Variants in CWC27 observed in about 807,000 individuals in gnomAD.
CWC27 encodes spliceosome-associated protein CWC27 homolog.
In CWC27, 47 loss-of-function variants were observed where a neutral mutation model predicts 63.6. The observed-to-expected ratio is 0.74, with a 90% confidence interval of 0.58 to 0.94. The LOEUF (loss-of-function observed/expected upper bound fraction) is 0.94. Among genes scored for constraint, CWC27 ranks in the 40% least tolerant of loss-of-function variants. The pLI is 0.00. For missense variants in CWC27, 495 were observed against 554.3 expected (o/e 0.89, Z 1.07); for synonymous variants, 175 against 179.8 (o/e 0.97, Z 0.22).
chr5:65,000,867 C>G (rs1295029477), intron 13 of CWC27, among the ~76,000 whole-genome samples: 1 of 151,864 alleles, frequency 6.6e-6, no homozygotes, highest in East Asian at 1.9e-4. Context: ...TGAAGAATGT[C>G]ATTGGTATTT....
chr5:64,786,593 G>A lies in CWC27; in HGVS notation c.565G>A (p.Glu189Lys). The change falls in exon 6 of 14, where the codon GAG becomes AAG. Residue 189 changes from glutamate (E) to lysine (K), a missense_variant. By Grantham distance (56) the Glu-to-Lys change is moderately conservative. Around this residue, in one of 3 missense-constraint regions of CWC27, gnomAD observed 463 missense variants for 498.1 expected, o/e 0.93. Coordinates refer to ENST00000381070, the MANE Select transcript of CWC27 (RefSeq NM_005869.4). ...AAGGCTGAAAAAAGAGAAACCAGAG[G>A]AGGAAGTAAAGAAATTGAAACCCAA... ...IKRLKKEKPE[E>K]EVKKLKPKGT... 6.3e-7 allele frequency: 1 copy of A among 1,588,410 alleles called. No homozygotes were observed. Among genetic ancestry groups the A allele is most frequent in the Non-Finnish European group, 8.6e-7 (1 of 1,169,150 alleles).
chr5:65,000,832 T>G (rs1749719056), intron 13 of CWC27, among the ~76,000 whole-genome samples: 1 of 152,086 alleles, frequency 6.6e-6, no homozygotes, highest in South Asian at 2.1e-4. Context: ...TCCATACAAA[T>G]TGTAGGATTT....
chr5:64,784,658 G>A (rs1743820934), intron 4 of CWC27, among the ~76,000 whole-genome samples: 2 of 152,174 alleles, frequency 1.3e-5, no homozygotes, highest in Non-Finnish European at 2.9e-5. Context: ...GATTTTTGTG[G>A]TGATGAAAGG....
intron 10 of CWC27, among the ~76,000 whole-genome samples, chr5:64,849,127 T>C (rs1017122859): frequency 1.3e-5 from 2 of 151,856 alleles, no homozygotes; most frequent in African/African-American, 4.8e-5. Flanking sequence ...CTAATAAAGT[T>C]GCAGGATACA....
intron 11 of CWC27, among the ~76,000 whole-genome samples, chr5:64,928,441 CTA>C (rs1165206981): frequency 2.0e-5 from 3 of 152,090 alleles, no homozygotes; most frequent in African/African-American, 7.2e-5. Flanking sequence ...GTGTTGCAGG[CTA>C]AAGACTTCAA....
chr5:64,912,105 A>G lies in CWC27; in HGVS notation c.1042+26559A>G, dbSNP rs570529636. Among the ~76,000 whole-genome samples the G allele has an allele frequency of 4.0e-5, 6 of 151,608 alleles. No homozygotes were observed. The South Asian group carries it at 1.3e-3, about 32-fold the overall frequency. ...AAAAAAAAAAAAGAAAGAAAGAAAG[A>G]AAGTAGACAGACCTGTATAGGTATA... On this transcript the variant is annotated intron_variant, in intron 11 of 13. Transcript: ENST00000381070.
intron 10 of CWC27, among the ~76,000 whole-genome samples, chr5:64,824,158 A>G (rs1028282004): frequency 5.3e-5 from 8 of 152,170 alleles, no homozygotes; most frequent in Non-Finnish European, 1.0e-4. Flanking sequence ...GCTTAGGAAA[A>G]CATCTTGCTT....
At chr5:64,993,169 TAG>T (rs910270054) in intron 13 of CWC27, among the ~76,000 whole-genome samples, 7 of 152,124 alleles carry the variant, frequency 4.6e-5, no homozygotes, top group African/African-American at 1.7e-4. Flanking sequence ...GCCTGACCCT[TAG>T]AGAGTGCTCA....
intron 11 of CWC27, among the ~76,000 whole-genome samples, chr5:64,936,156 G>A (rs535742909): frequency 6.6e-6 from 1 of 152,294 alleles, no homozygotes; most frequent in South Asian, 2.1e-4. Context: ...AATGATGAGA[G>A]AGGGCATCCT....
intron 2 of CWC27, among the ~76,000 whole-genome samples, chr5:64,779,880 CT>C (rs1324724449): frequency 6.6e-6 from 1 of 152,178 alleles, no homozygotes; most frequent in African/African-American, 2.4e-5. Context: ...GGCATTTCCC[CT>C]GCTTGCGCTC....
chr5:64,826,695 G>GTTTTTTGTTTT (rs1329100422), intron 10 of CWC27, among the ~76,000 whole-genome samples: 3 of 84,948 alleles, frequency 3.5e-5, no homozygotes, highest in African/African-American at 4.8e-5. Flanking sequence ...TAACTTTGGT[G>GTTTTTTGTTTT]TTTTTTTGTT....
At chr5:64,783,475 A>G (rs1381148698) in intron 3 of CWC27, among the ~76,000 whole-genome samples, 1 of 152,170 alleles carries the variant, frequency 6.6e-6, no homozygotes, top group African/African-American at 2.4e-5. Context: ...AATACTCTGC[A>G]ATGGCTCAAA....
intron 13 of CWC27, among the ~76,000 whole-genome samples, chr5:65,002,798 G>A (rs931683514): frequency 5.3e-5 from 8 of 152,004 alleles, no homozygotes; most frequent in African/African-American, 1.9e-4. Context: ...TGTCTGCTGG[G>A]TTCATTTGGC....
At chr5:64,851,256 G>A (rs1334396448) in intron 10 of CWC27, among the ~76,000 whole-genome samples, 1 of 152,132 alleles carries the variant, frequency 6.6e-6, no homozygotes, top group Non-Finnish European at 1.5e-5. Context: ...TGGCAACATC[G>A]ATGGAACTGG....
intron 11 of CWC27, among the ~76,000 whole-genome samples, chr5:64,946,060 A>G (rs1037433260): frequency 2.6e-5 from 4 of 152,148 alleles, no homozygotes; most frequent in Admixed American, 6.6e-5. Flanking sequence ...TGCCCACATC[A>G]TTCCCATCTT....
chr5:64,843,854 G>A (rs1745908436), intron 10 of CWC27, among the ~76,000 whole-genome samples: 1 of 152,068 alleles, frequency 6.6e-6, no homozygotes, highest in South Asian at 2.1e-4. Context: ...GGTGCCTAGT[G>A]ACATCAGCAA....
intron 11 of CWC27, among the ~76,000 whole-genome samples, chr5:64,927,175 T>A (rs1748132790): frequency 6.6e-6 from 1 of 152,206 alleles, no homozygotes; most frequent in South Asian, 2.1e-4. Flanking sequence ...TCAGAACAGT[T>A]ACATCATTTA....
chr5:64,873,682 T>G (rs1746729480), intron 10 of CWC27, among the ~76,000 whole-genome samples: 1 of 152,174 alleles, frequency 6.6e-6, no homozygotes. Context: ...TTTAGTTTAA[T>G]ATAGTCCCAT....
At chr5:64,788,486 T>G (rs1451209244) in intron 6 of CWC27, among the ~76,000 whole-genome samples, 2 of 152,042 alleles carry the variant, frequency 1.3e-5, no homozygotes, top group African/African-American at 4.8e-5. Context: ...GCTCATATTT[T>G]TTTGTCTGAC....
Sources: allele counts gnomAD v4.1 joint callset (sites outside exome capture counted in the v4.1 genomes callset), GRCh38; gene constraint gnomAD v4.1.1; regional missense constraint gnomAD v4.1.1; transcripts MANE v1.5; gene names NCBI Gene and HGNC (gene_info 2026-07-23, HGNC 2026-07-21).